The following EYS variants were observed in gnomAD, a reference collection of about 807,000 sequenced individuals.
EYS encodes the protein protein eyes shut homolog.
In EYS, 250 loss-of-function variants were observed where a neutral mutation model predicts 282.1. The observed-to-expected ratio is 0.89, with a 90% CI of 0.80 to 0.98. EYS has a LOEUF of 0.98. Ranked by LOEUF, EYS falls within the 50% of genes least tolerant of loss-of-function variation. The pLI, the probability that EYS is intolerant of heterozygous loss-of-function variation, is 0.00. For missense variants in EYS, 4,016 were observed against 3,709.0 expected, an observed-to-expected ratio of 1.08 and a Z score of -2.15; for synonymous variants, 1,355 against 1,282.9, an observed-to-expected ratio of 1.06 and a Z score of -1.20.
At chr6:64,466,314 A>T (rs1489652768) in intron 26 of EYS, among the ~76,000 whole-genome samples, 1 of 152,144 alleles carries the variant, frequency 6.6e-6, no homozygotes, top group Non-Finnish European at 1.5e-5. Flanking sequence ...TGTTTATTGC[A>T]GCATTATTTG....
intron 15 of EYS, among the ~76,000 whole-genome samples, chr6:64,943,449 G>A (rs143693667): frequency 7.9e-5 from 12 of 152,134 alleles, no homozygotes; most frequent in African/African-American, 2.9e-4. Context: ...AGAAGATGCT[G>A]AAGACTCCAC....
Position 64,912,741 on chromosome 6 carries a change from C to A in EYS, c.2384G>T (p.Cys795Phe). ...TCTDLYKSYRCECTSGWTGQN... is the reference protein window; with the variant it reads ...TCTDLYKSYRFECTSGWTGQN... ...TCCAGTCCATCCAGATGTACACTCA[C>A]ATCTGAAATAAAATATTAAAATTTT... Residue 795 changes from cysteine (C) to phenylalanine (F), a missense_variant and splice_region_variant, in exon 16 of 43, where the codon TGT becomes TTT. Coordinates refer to ENST00000503581, the MANE Select transcript of EYS (RefSeq NM_001142800.2). The A allele has an allele frequency of 7.5e-7, 1 of 1,339,676 alleles. No homozygotes were observed. Among genetic ancestry groups the A allele is most frequent in the Non-Finnish European group, 9.6e-7 (1 of 1,036,324 alleles). 83.0% of individuals were successfully genotyped at this position (1,339,676 alleles called of 1,614,324 possible).
intron 22 of EYS, chr6:64,728,882 C>G (rs933232921): frequency 1.3e-5 from 2 of 152,216 alleles, no homozygotes; most frequent in African/African-American, 4.8e-5. Context: ...GAAAATGGCT[C>G]TCTGTGGGGA....
chr6:64,866,620 G>GTTATCA (rs1766433433), intron 19 of EYS, among the ~76,000 whole-genome samples: 1 of 150,632 alleles, frequency 6.6e-6, no homozygotes, highest in African/African-American at 2.4e-5. Flanking sequence ...TTATTTTTTA[G>GTTATCA]TTATCATTCC....
intron 5 of EYS, among the ~76,000 whole-genome samples, chr6:65,443,418 A>G (rs1035022451): frequency 2.8e-5 from 4 of 143,656 alleles, no homozygotes; most frequent in African/African-American, 4.9e-5. Flanking sequence ...ATATAGCCAT[A>G]TATGTACATA....
At chr6:64,542,434 T>G (rs924465906) in intron 26 of EYS, among the ~76,000 whole-genome samples, 1 of 152,094 alleles carries the variant, frequency 6.6e-6, no homozygotes, top group Non-Finnish European at 1.5e-5. Flanking sequence ...GTTTATTAGC[T>G]AAGACAAGAA....
chr6:64,717,973 G>C (rs1771454597), intron 22 of EYS, among the ~76,000 whole-genome samples: 1 of 152,166 alleles, frequency 6.6e-6, no homozygotes, highest in Non-Finnish European at 1.5e-5. Context: ...GAGAGACAGA[G>C]TGTATGTTTG....
chr6:65,570,330 A>G (rs887491347), intron 2 of EYS, among the ~76,000 whole-genome samples: 1 of 152,204 alleles, frequency 6.6e-6, no homozygotes, highest in African/African-American at 2.4e-5. Context: ...TGCAGAAAAC[A>G]TGCTGAATTA....
chr6:64,338,787 C>T (rs1270033127), intron 29 of EYS, among the ~76,000 whole-genome samples: 5 of 151,888 alleles, frequency 3.3e-5, no homozygotes, highest in South Asian at 4.1e-4. Flanking sequence ...AACATAGGCA[C>T]ATAGACCAAT....
intron 12 of EYS, among the ~76,000 whole-genome samples, chr6:65,252,266 C>T (rs1767347239): frequency 1.3e-5 from 2 of 151,852 alleles, no homozygotes; most frequent in East Asian, 1.9e-4. Context: ...CCCTGTGTTG[C>T]ACAGATGTGG....
intron 12 of EYS, among the ~76,000 whole-genome samples, chr6:65,110,231 A>G (rs1418541753): frequency 2.6e-5 from 4 of 152,104 alleles, no homozygotes; most frequent in Non-Finnish European, 5.9e-5. Flanking sequence ...CATTCCGTTT[A>G]CATTGTTCAT....
At chr6:65,695,463 A>G (rs1010839991) in intron 1 of EYS, among the ~76,000 whole-genome samples, 4 of 152,066 alleles carry the variant, frequency 2.6e-5, no homozygotes, top group Admixed American at 1.3e-4. Flanking sequence ...TTTGATATAT[A>G]CCTCAGATCC....
intron 35 of EYS, among the ~76,000 whole-genome samples, chr6:63,925,577 G>A (rs1305558227): frequency 2.0e-5 from 3 of 152,184 alleles, no homozygotes; most frequent in African/African-American, 7.2e-5. Flanking sequence ...AGAACATGTA[G>A]GTTTGTTACA....
intron 23 of EYS, among the ~76,000 whole-genome samples, chr6:64,619,367 A>G (rs1167855763): frequency 1.3e-5 from 2 of 152,172 alleles, no homozygotes; most frequent in African/African-American, 4.8e-5. Context: ...GACAAAGAAG[A>G]CTTCATTCAA....
chr6:64,521,153 A>G (rs1164520516), intron 26 of EYS, among the ~76,000 whole-genome samples: 1 of 151,794 alleles, frequency 6.6e-6, no homozygotes, highest in Non-Finnish European at 1.5e-5. Context: ...ACTGACTTAA[A>G]GCTAAGTTGC....
chr6:64,394,602 C>G (rs961079441), intron 28 of EYS, among the ~76,000 whole-genome samples: 2 of 151,566 alleles, frequency 1.3e-5, no homozygotes, highest in Non-Finnish European at 1.5e-5. Flanking sequence ...AACTGGATCC[C>G]TTCCTTACAC....
At chr6:65,615,386 T>TTATATATA (rs3049825) in intron 2 of EYS, among the ~76,000 whole-genome samples, 43 of 146,236 alleles carry the variant, frequency 2.9e-4, no homozygotes, top group African/African-American at 9.9e-4. Flanking sequence ...TTTTATTTAT[T>TTATATATA]TATATATATA....
chr6:65,249,122 A>C (rs961262060), intron 12 of EYS, among the ~76,000 whole-genome samples: 2 of 151,826 alleles, frequency 1.3e-5, no homozygotes, highest in African/African-American at 4.8e-5. Flanking sequence ...ATAAAATGAG[A>C]GTAATAAGAA....
intron 35 of EYS, among the ~76,000 whole-genome samples, chr6:63,866,422 G>T (rs1001815679): frequency 6.6e-6 from 1 of 152,198 alleles, no homozygotes; most frequent in African/African-American, 2.4e-5. Flanking sequence ...GTCTTTTTCA[G>T]ATCAAGGAGA....
Sources: gnomAD v4.1 joint callset for allele counts (sites outside exome capture counted in the v4.1 genomes callset) on GRCh38, gnomAD v4.1.1 for gene constraint, MANE v1.5 for transcripts, NCBI Gene and HGNC (gene_info 2026-07-23, HGNC 2026-07-21) for gene names.